The following DPP10 variants were observed in gnomAD, a reference collection of about 807,000 sequenced individuals.
DPP10 encodes the protein inactive dipeptidyl peptidase 10.
In DPP10, 33 loss-of-function variants were observed where a neutral mutation model predicts 120.9. That is an observed-to-expected ratio of 0.27 (90% CI 0.21 to 0.37). The LOEUF (loss-of-function observed/expected upper bound fraction) is 0.37. DPP10 is among the 10% of genes least tolerant of loss of function. The pLI is 1.00. For missense variants in DPP10, 816 were observed against 942.8 expected (o/e 0.87, Z 1.76); for synonymous variants, 337 against 326.1 (o/e 1.03, Z -0.36).
chr2:114,758,081 T>C (rs1006171447), intron 1 of DPP10, among the ~76,000 whole-genome samples: 2 of 152,212 alleles, frequency 1.3e-5, no homozygotes, highest in African/African-American at 4.8e-5. Context: ...ACATGTGAAC[T>C]TCAAGAGGAA....
intron 1 of DPP10, among the ~76,000 whole-genome samples, chr2:114,948,495 C>A (rs1344184218): frequency 6.6e-6 from 1 of 152,098 alleles, no homozygotes; most frequent in Non-Finnish European, 1.5e-5. Context: ...CACTTATACT[C>A]CTCTCAATCT....
chr2:115,686,457 A>G (rs2090994045), intron 5 of DPP10, among the ~76,000 whole-genome samples: 1 of 152,060 alleles, frequency 6.6e-6, no homozygotes, highest in Non-Finnish European at 1.5e-5. Flanking sequence ...CAGGAACCTG[A>G]TCCTGTATTT....
intron 1 of DPP10, among the ~76,000 whole-genome samples, chr2:114,526,629 G>A (rs1476605985): frequency 6.6e-6 from 1 of 152,102 alleles, no homozygotes; most frequent in Non-Finnish European, 1.5e-5. Flanking sequence ...TCAAGATATG[G>A]CAGATTTAGT....
intron 1 of DPP10, among the ~76,000 whole-genome samples, chr2:115,151,554 C>T (rs2104901024): frequency 6.6e-6 from 1 of 151,644 alleles, no homozygotes; most frequent in South Asian, 2.1e-4. Context: ...ATTACAGGCA[C>T]CTACCACCAC....
rs535594496 is a variant in DPP10 at position 115,139,181 on chromosome 2, T to A, written c.61-170058T>A. On this transcript the variant is annotated intron_variant, in intron 1 of 25. Transcript: ENST00000410059. ...GTAATTATAATAGGGAACTTGGAAA[T>A]ATGCAAAATAATAATCTTATTTTAT... 2.6e-5 allele frequency among the ~76,000 whole-genome samples: 4 copies of A among 152,282 alleles called. No individual in the cohort carries two copies. The East Asian group carries it at 7.7e-4, about 29-fold the overall frequency.
At chr2:115,285,083 T>G (rs543560237) in intron 1 of DPP10, among the ~76,000 whole-genome samples, 17 of 152,162 alleles carry the variant, frequency 1.1e-4, no homozygotes, top group South Asian at 1.0e-3. Context: ...CACAACACTC[T>G]GAAGTTGGTA....
intron 1 of DPP10, among the ~76,000 whole-genome samples, chr2:114,555,826 T>C (rs968398779): frequency 6.6e-6 from 1 of 152,142 alleles, no homozygotes; most frequent in African/African-American, 2.4e-5. Flanking sequence ...GTAACCCAAA[T>C]ACTAAGAGGG....
At chr2:114,630,420 A>G (rs1161136904) in intron 1 of DPP10, among the ~76,000 whole-genome samples, 1 of 152,208 alleles carries the variant, frequency 6.6e-6, no homozygotes, top group Non-Finnish European at 1.5e-5. Context: ...GCAAAGTCTG[A>G]TTTGGAAAGG....
intron 1 of DPP10, among the ~76,000 whole-genome samples, chr2:115,071,965 AAAG>A (rs1420905824): frequency 2.0e-5 from 3 of 152,218 alleles, no homozygotes; most frequent in African/African-American, 4.8e-5. Context: ...TGAGAACAGC[AAAG>A]AAGAATTGTC....
At chr2:114,825,957 A>G (rs1686495143) in intron 1 of DPP10, among the ~76,000 whole-genome samples, 1 of 152,200 alleles carries the variant, frequency 6.6e-6, no homozygotes, top group African/African-American at 2.4e-5. Flanking sequence ...TTCAGCTTCA[A>G]ATTAGAAGTT....
chr2:115,501,396 A>G (rs1228367908), intron 4 of DPP10, among the ~76,000 whole-genome samples: 1 of 151,986 alleles, frequency 6.6e-6, no homozygotes, highest in South Asian at 2.1e-4. Context: ...TCACCATCTC[A>G]TATCATTGTG....
intron 8 of DPP10, 136 bp downstream of exon 8, chr2:115,728,072 G>T: frequency 1.0e-6 from 1 of 964,276 alleles, no homozygotes. Context: ...TTGCCCTCAT[G>T]CTTTCATATC....
At chr2:115,602,103 G>A (rs751027110) in intron 5 of DPP10, among the ~76,000 whole-genome samples, 38 of 152,008 alleles carry the variant, frequency 2.5e-4, no homozygotes, top group Non-Finnish European at 5.0e-4. Flanking sequence ...ACATTTTCAT[G>A]AATAAAACCC....
At chr2:115,521,511 G>A (rs1362878090) in intron 4 of DPP10, among the ~76,000 whole-genome samples, 1 of 151,812 alleles carries the variant, frequency 6.6e-6, no homozygotes, top group African/African-American at 2.4e-5. Flanking sequence ...CAGTGAGAAT[G>A]TTACAAAAGC....
rs1291290873 is a variant in DPP10 at position 115,350,985 on chromosome 2, G to C, written c.271+7073G>C. ...TTGAAGATTTCTCAAAGAACTTACA[G>C]CAGAACTAGCATTGGACTAGCAATC... is the stretch of plus-strand genomic sequence containing the variant. On this transcript the variant is annotated intron_variant, in intron 3 of 25. Transcript: ENST00000410059. Among the ~76,000 whole-genome samples the C allele has an allele frequency of 7.2e-5, 11 of 152,044 alleles. No homozygotes were observed. In the East Asian group the frequency reaches 1.9e-3, roughly 27 times the overall value.
At chr2:115,052,148 C>T (rs183590390) in intron 1 of DPP10, among the ~76,000 whole-genome samples, 129 of 152,132 alleles carry the variant, frequency 8.5e-4, no homozygotes, top group African/African-American at 2.8e-3. Flanking sequence ...GAGTTTGGGC[C>T]GCTATCTCTC....
intron 1 of DPP10, among the ~76,000 whole-genome samples, chr2:114,704,773 A>G (rs1700587965): frequency 6.6e-6 from 1 of 152,160 alleles, no homozygotes; most frequent in South Asian, 2.1e-4. Flanking sequence ...TCCCCTGAAT[A>G]ATTTATATGT....
intron 1 of DPP10, among the ~76,000 whole-genome samples, chr2:115,267,768 T>C (rs144979327): frequency 6.0e-4 from 91 of 152,286 alleles, no homozygotes; most frequent in African/African-American, 2.1e-3. Flanking sequence ...CACAGAGCCT[T>C]CACGATGGCT....
chr2:114,522,186 G>T (rs1327721484), intron 1 of DPP10, among the ~76,000 whole-genome samples: 1 of 150,722 alleles, frequency 6.6e-6, no homozygotes, highest in Non-Finnish European at 1.5e-5. Context: ...GGGTTTCACC[G>T]TTTTAGCCGG....
Sources: allele counts gnomAD v4.1 joint callset (sites outside exome capture counted in the v4.1 genomes callset), GRCh38; gene constraint gnomAD v4.1.1; transcripts MANE v1.5; gene names NCBI Gene and HGNC (gene_info 2026-07-23, HGNC 2026-07-21).